Variants in CBLN2 observed in about 807,000 individuals in gnomAD.
The protein encoded by CBLN2 is cerebellin 2 precursor, also known as cerebellin-2.
In CBLN2, 7 loss-of-function variants were observed where a neutral mutation model predicts 15.0. The observed-to-expected ratio is 0.47, with a 90% CI of 0.27 to 0.88. The LOEUF (loss-of-function observed/expected upper bound fraction) is 0.88. CBLN2 is among the 40% of genes least tolerant of loss of function. CBLN2 has a pLI of 0.14. For synonymous variants in CBLN2, 149 were observed against 135.2 expected (o/e 1.10, Z -0.71); for missense variants, 242 against 304.5 (o/e 0.79, Z 1.53).
At chr18:72,596,820 C>A (rs191720738) in intron 1 of CBLN2, among the ~76,000 whole-genome samples, 2 of 152,164 alleles carry the variant, frequency 1.3e-5, no homozygotes, top group East Asian at 1.9e-4. Flanking sequence ...TTATTTGTTT[C>A]TTTTCTCTTG....
Position 72,594,396 on chromosome 18 carries a change from T to C in CBLN2, c.15+43929A>G, listed in dbSNP as rs565432090. 7.9e-5 allele frequency among the ~76,000 whole-genome samples: 12 copies of C among 152,282 alleles called. No individual in the cohort carries two copies. In the South Asian group the frequency reaches 1.2e-3, roughly 16 times the overall value. On this transcript the variant is annotated intron_variant, in intron 1 of 2. Coordinates refer to the CBLN2 transcript ENST00000581073. ...TGAATTCAGTTTGCTAGTATTTTGTTAAGTAGTTTTGCATCAATGTTCATC... is the reference window on the plus strand; with the variant it reads ...TGAATTCAGTTTGCTAGTATTTTGTCAAGTAGTTTTGCATCAATGTTCATC...
intron 3 of CBLN2, among the ~76,000 whole-genome samples, chr18:72,540,690 AC>A (rs1292926755): frequency 6.6e-6 from 1 of 152,182 alleles, no homozygotes; most frequent in Non-Finnish European, 1.5e-5. Flanking sequence ...AGAAAAAAAA[AC>A]CTCAAATACT....
intron 1 of CBLN2, among the ~76,000 whole-genome samples, chr18:72,609,606 C>G (rs1370620763): frequency 6.6e-6 from 1 of 152,128 alleles, no homozygotes; most frequent in Admixed American, 6.6e-5. Context: ...TAACCTCTAC[C>G]TACAGCTATG....
chr18:72,572,529 G>A (rs2069338852), intron 1 of CBLN2, among the ~76,000 whole-genome samples: 1 of 152,112 alleles, frequency 6.6e-6, no homozygotes. Flanking sequence ...CTGAATGATT[G>A]TCAAATTTGT....
intron 1 of CBLN2, among the ~76,000 whole-genome samples, chr18:72,611,633 T>A (rs2069623229): frequency 6.6e-6 from 1 of 152,220 alleles, no homozygotes; most frequent in Non-Finnish European, 1.5e-5. Flanking sequence ...TTATAGATTA[T>A]GGATATTAGA....
chr18:72,617,961 T>A (rs2069673967), intron 1 of CBLN2, among the ~76,000 whole-genome samples: 1 of 152,078 alleles, frequency 6.6e-6, no homozygotes, highest in Non-Finnish European at 1.5e-5. Context: ...GAAAAAAAAT[T>A]AAATGGAAGA....
chr18:72,613,231 G>A (rs186656072), intron 1 of CBLN2, among the ~76,000 whole-genome samples: 60 of 152,236 alleles, frequency 3.9e-4, no homozygotes, highest in Non-Finnish European at 5.0e-4. Context: ...AGGAGGTTAG[G>A]ACTTTAACTT....
Position 72,538,332 on chromosome 18 carries a change from A to G in CBLN2, c.519T>C (p.Phe173=). The change falls in exon 5 of 5, where the codon TTT becomes TTC. Residue 173 remains phenylalanine (F), a synonymous_variant. Transcript: ENST00000269503. ...CTCTGGTGACATCCTGGTCTCCTGC[A>G]AAGGCCGAGATCACTGGGTAGCCAT... ...MQNGYPVISA[F]AGDQDVTREA... 1.2e-6 allele frequency: 2 copies of G among 1,614,176 alleles called. No individual in the cohort carries two copies. Among genetic ancestry groups the G allele is most frequent in the Non-Finnish European group, 1.7e-6 (2 of 1,180,052 alleles).
chr18:72,621,537 G>A (rs1447527799), intron 1 of CBLN2, among the ~76,000 whole-genome samples: 2 of 152,046 alleles, frequency 1.3e-5, no homozygotes, highest in African/African-American at 4.8e-5. Flanking sequence ...TGTGTTGTAA[G>A]CAACAAAAAC....
At chr18:72,549,906 G>T (rs906751299) in intron 1 of CBLN2, among the ~76,000 whole-genome samples, 1 of 149,870 alleles carries the variant, frequency 6.7e-6, no homozygotes, top group African/African-American at 2.4e-5. Context: ...ACGTGTTTTT[G>T]TGAAAAAAAT....
chr18:72,583,196 T>A (rs1478011171), intron 1 of CBLN2, among the ~76,000 whole-genome samples: 1 of 152,168 alleles, frequency 6.6e-6, no homozygotes, highest in South Asian at 2.1e-4. Flanking sequence ...AAACCACATA[T>A]GTTCACCTGA....
intron 1 of CBLN2, among the ~76,000 whole-genome samples, chr18:72,621,154 C>CT (rs1183820286): frequency 6.6e-6 from 1 of 152,168 alleles, no homozygotes; most frequent in Non-Finnish European, 1.5e-5. Context: ...GACAACAGCA[C>CT]TGTAGCGTTA....
At position 72,538,074 on chromosome 18, in the gene CBLN2, G is replaced by A; in HGVS notation, c.*102C>T. 8.9e-7 allele frequency: 1 copy of A among 1,124,512 alleles called. No homozygotes were observed. Among genetic ancestry groups the A allele is most frequent in the East Asian group, 2.4e-5 (1 of 41,982 alleles). The allele number at this position is 1,124,512 out of a possible 1,614,324, so 69.7% of individuals were successfully genotyped here. A position where few individuals can be genotyped will look rare whatever the true frequency, so the allele number is the denominator to read the frequency against. ...TCTTCTACTGCAACAGTCTGACGGA[G>A]GTTGGAAACAAGGTGTCCAATTCCA... On this transcript the variant is annotated 3_prime_UTR_variant, in exon 5 of 5. Coordinates refer to ENST00000269503, the MANE Select transcript of CBLN2 (RefSeq NM_182511.4).
rs1451710232 is a variant in CBLN2 at position 72,542,200 on chromosome 18, C to T, written c.-40G>A. 1.7e-6 allele frequency: 2 copies of T among 1,178,764 alleles called. No homozygotes were observed. The highest frequency in any genetic ancestry group is 2.1e-6 in the Non-Finnish European group (2 of 954,710). 73.0% of individuals were successfully genotyped at this position (1,178,764 alleles called of 1,614,324 possible). On this transcript the variant is annotated 5_prime_UTR_variant, in exon 3 of 5. Coordinates refer to ENST00000269503, the MANE Select transcript of CBLN2 (RefSeq NM_182511.4). Reference sequence around the variant, plus strand: ...GGCGGCGCGCGGGGGTGGAGGCCGGCGCCGGCGCGAGCGGCGCGGAAGGGC... The same window carrying T: ...GGCGGCGCGCGGGGGTGGAGGCCGGTGCCGGCGCGAGCGGCGCGGAAGGGC...
intron 1 of CBLN2, among the ~76,000 whole-genome samples, chr18:72,553,478 A>AGATAGAT (rs2069204313): frequency 6.6e-6 from 1 of 151,906 alleles, no homozygotes; most frequent in South Asian, 2.1e-4. Flanking sequence ...ATAGATAGAT[A>AGATAGAT]GATAGATAGA....
At position 72,609,568 on chromosome 18, in the gene CBLN2, G is replaced by A. The variant is rs149149420; in HGVS notation, c.15+28757C>T. On this transcript the variant is annotated intron_variant, in intron 1 of 2. Coordinates refer to the CBLN2 transcript ENST00000581073. ...CAGACTGTGGTACTTTGTTATGGCA[G>A]CCCTAGCAGTCTGAAAGCCATCCTG... Among the ~76,000 whole-genome samples, 604 of 152,168 alleles carry A rather than the reference G, an allele frequency of 4.0e-3. 2 individuals are homozygous for A. Among genetic ancestry groups the A allele is most frequent in the Non-Finnish European group, 7.2e-3 (493 of 68,024 alleles).
chr18:72,577,158 G>A (rs1266873414), intron 1 of CBLN2, among the ~76,000 whole-genome samples: 1 of 150,122 alleles, frequency 6.7e-6, no homozygotes, highest in Non-Finnish European at 1.5e-5. Flanking sequence ...TTAAAATGCA[G>A]TTTCAATACT....
intron 1 of CBLN2, among the ~76,000 whole-genome samples, chr18:72,584,512 CAGG>C (rs1204419859): frequency 6.6e-6 from 1 of 151,756 alleles, no homozygotes; most frequent in Non-Finnish European, 1.5e-5. Flanking sequence ...CCGTGTTGGT[CAGG>C]ATGGTCTCGA....
At chr18:72,571,055 T>A (rs1247462070) in intron 1 of CBLN2, among the ~76,000 whole-genome samples, 2 of 152,132 alleles carry the variant, frequency 1.3e-5, no homozygotes, top group Non-Finnish European at 2.9e-5. Context: ...ATATTATGTA[T>A]GTATATTTAT....
Sources: gnomAD v4.1 joint callset for allele counts (sites outside exome capture counted in the v4.1 genomes callset) on GRCh38, gnomAD v4.1.1 for gene constraint, MANE v1.5 for transcripts, NCBI Gene and HGNC (gene_info 2026-07-23, HGNC 2026-07-21) for gene names.